SEC63: variants seen among roughly 807,000 people sequenced by gnomAD.
SEC63 encodes the protein translocation protein SEC63 homolog.
A neutral mutation model predicts 116.2 loss-of-function variants in SEC63; 56 were observed. The ratio of observed to expected loss-of-function variants is 0.48; its 90% CI spans 0.39 to 0.60. The LOEUF is 0.60. SEC63 is among the 20% of genes least tolerant of loss of function. The pLI, the probability that SEC63 is intolerant of heterozygous loss-of-function variation, is 0.00. For synonymous variants in SEC63, 273 were observed against 294.6 expected (o/e 0.93, Z 0.75); for missense variants, 668 against 900.0 (o/e 0.74, Z 3.30).
At chr6:107,938,921 CCT>C (rs1291988669) in intron 1 of SEC63, among the ~76,000 whole-genome samples, 2 of 152,052 alleles carry the variant, frequency 1.3e-5, no homozygotes, top group African/African-American at 4.8e-5. Context: ...TTTTTAATTC[CCT>C]GTGACTATAA....
rs1162436650 is a variant in SEC63, at chr6:107,893,819, C to T, written c.1500+19G>A. ...TTTCTTTCACTAGGAAAAATAGGTT[C>T]GGAAACCCAAGTTTTTACCCCATCT... On this transcript the variant is annotated intron_variant, in intron 15 of 20. Transcript: ENST00000369002. 3 of 1,613,778 alleles carry T rather than the reference C, an allele frequency of 1.9e-6. No homozygotes were observed. Among genetic ancestry groups the T allele is most frequent in the African/African-American group, 1.3e-5 (1 of 74,920 alleles).
chr6:107,893,034 G>C (rs1182035500), intron 16 of SEC63, among the ~76,000 whole-genome samples: 1 of 151,168 alleles, frequency 6.6e-6, no homozygotes, highest in Non-Finnish European at 1.5e-5. Flanking sequence ...ATTAGGTTAA[G>C]AACTACAAAC....
intron 16 of SEC63, among the ~76,000 whole-genome samples, chr6:107,887,153 C>A (rs1378489718): frequency 6.6e-6 from 1 of 151,826 alleles, no homozygotes; most frequent in East Asian, 1.9e-4. Context: ...GTTGGTGGGA[C>A]TGTAAACTAG....
At chr6:107,933,645 A>C (rs977902336) in intron 1 of SEC63, among the ~76,000 whole-genome samples, 49 of 152,144 alleles carry the variant, frequency 3.2e-4, no homozygotes, top group African/African-American at 1.2e-3. Flanking sequence ...ACTAAAGGAG[A>C]CTAAAGAAAC....
At chr6:107,923,995 T>C (rs1583759904) in intron 3 of SEC63, among the ~76,000 whole-genome samples, 1 of 152,240 alleles carries the variant, frequency 6.6e-6, no homozygotes, top group Non-Finnish European at 1.5e-5. Flanking sequence ...CTGGGCACGG[T>C]GGCTCACGCC....
At chr6:107,947,522 G>A (rs560277651) in intron 1 of SEC63, among the ~76,000 whole-genome samples, 2 of 151,638 alleles carry the variant, frequency 1.3e-5, no homozygotes, top group East Asian at 3.9e-4. Context: ...CAGTGGAGCA[G>A]TGATGGTGCC....
chr6:107,955,510 C>A (rs1282841014), intron 1 of SEC63, among the ~76,000 whole-genome samples: 3 of 152,234 alleles, frequency 2.0e-5, no homozygotes, highest in Non-Finnish European at 4.4e-5. Context: ...AGTTGAAGTC[C>A]ATGATTTACA....
At chr6:107,933,699 CCTGCCT>C (rs1291457146) in intron 1 of SEC63, among the ~76,000 whole-genome samples, 3 of 151,634 alleles carry the variant, frequency 2.0e-5, no homozygotes, top group South Asian at 2.1e-4. Flanking sequence ...TGCCCCTGCC[CCTGCCT>C]CTCCCTCTCC....
At chr6:107,896,851 T>C (rs1272003401) in intron 14 of SEC63, among the ~76,000 whole-genome samples, 1 of 151,818 alleles carries the variant, frequency 6.6e-6, no homozygotes, top group Non-Finnish European at 1.5e-5. Flanking sequence ...TGGTGGCGTG[T>C]GCCTGTAATC....
chr6:107,906,655 A>G, intron 9 of SEC63, 28 bp downstream of exon 9: 4 of 1,607,066 alleles, frequency 2.5e-6, no homozygotes, highest in Non-Finnish European at 3.4e-6. Flanking sequence ...TTAACTGCTC[A>G]TCGGGGGATT....
intron 4 of SEC63, among the ~76,000 whole-genome samples, chr6:107,917,752 T>C (rs112270508): frequency 0.011 from 1,687 of 152,308 alleles, 34 homozygotes; most frequent in African/African-American, 0.038. Flanking sequence ...AGCAAGGCCC[T>C]AACGAAGGCT....
rs528176477 is a variant in SEC63 at position 107,870,848 on chromosome 6, T to G, written c.*856A>C. 13 of 152,384 alleles carry G rather than the reference T, an allele frequency of 8.5e-5. No individual in the cohort carries two copies. The highest frequency in any genetic ancestry group is 3.3e-4 in the Admixed American group (5 of 15,300). 9.4% of individuals were successfully genotyped at this position (152,384 alleles called of 1,614,324 possible). A position where few individuals can be genotyped will look rare whatever the true frequency, so the allele number is the denominator to read the frequency against. Reference sequence around the variant, plus strand: ...CTTCCTTTGCATGTTATACTTACTTTCCTTAAAAAGCTCCTGATAGAGTCA... The same window carrying G: ...CTTCCTTTGCATGTTATACTTACTTGCCTTAAAAAGCTCCTGATAGAGTCA... On this transcript the variant is annotated 3_prime_UTR_variant, in exon 21 of 21. Transcript: ENST00000369002.
intron 1 of SEC63, among the ~76,000 whole-genome samples, chr6:107,952,774 A>AT (rs1353132804): frequency 6.6e-6 from 1 of 152,116 alleles, no homozygotes; most frequent in Non-Finnish European, 1.5e-5. Context: ...AACAAAAAAA[A>AT]AATTACTTAA....
In SEC63 at chr6:107,871,803, C is replaced by G; in HGVS notation, c.2184G>C (p.Gln728His). 1 of 1,613,774 alleles carries G rather than the reference C, an allele frequency of 6.2e-7. No individual in the cohort carries two copies. The highest frequency in any genetic ancestry group is 8.5e-7 in the Non-Finnish European group (1 of 1,179,736). Reference protein sequence around the residue: ...EAKPVPENHPQWDTAIEGDED... With the variant: ...EAKPVPENHPHWDTAIEGDED... ...CATCCCCCTCTATTGCTGTATCCCACTGTGGGTGATTTTCTGGCACAGGCT... is the reference window on the plus strand; with the variant it reads ...CATCCCCCTCTATTGCTGTATCCCAGTGTGGGTGATTTTCTGGCACAGGCT... Residue 728 changes from glutamine (Q) to histidine (H), a missense_variant, in exon 21 of 21, where the codon CAG (glutamine) becomes CAC (histidine). Around this residue, in one of 5 missense-constraint regions of SEC63, gnomAD observed 85 missense variants for 116.3 expected, o/e 0.73. Transcript: ENST00000369002.
At chr6:107,874,575 G>A (rs1160945423) in intron 19 of SEC63, among the ~76,000 whole-genome samples, 17 of 126,490 alleles carry the variant, frequency 1.3e-4, no homozygotes, top group African/African-American at 4.3e-4. Context: ...CAGCCTGGGC[G>A]ACACAGTGAG....
intron 16 of SEC63, among the ~76,000 whole-genome samples, chr6:107,889,110 G>A (rs1432964668): frequency 1.3e-5 from 2 of 152,214 alleles, no homozygotes; most frequent in Admixed American, 1.3e-4. Flanking sequence ...CTCATAAAAT[G>A]AGTTAGGGAG....
Position 107,911,319 on chromosome 6 carries a change from AC to A in SEC63, c.624+26del, listed in dbSNP as rs916758872. On this transcript the variant is annotated intron_variant, in intron 7 of 20. Transcript: ENST00000369002. ...CATGTCAATCTCCTTTCCAAAAAAA[AC>A]ATTAACTTAAAAAGCTAAAACTTAC... The A allele has an allele frequency of 4.6e-6, 7 of 1,518,772 alleles. No individual in the cohort carries two copies. In the East Asian group the frequency reaches 6.8e-5, roughly 15 times the overall value. The allele number at this position is 1,518,772 out of a possible 1,614,324, so 94.1% of individuals were successfully genotyped here.
chr6:107,930,941 G>A (rs1787792638), intron 1 of SEC63, among the ~76,000 whole-genome samples: 1 of 152,178 alleles, frequency 6.6e-6, no homozygotes, highest in African/African-American at 2.4e-5. Context: ...GTTGCAGTGA[G>A]CTGAGATCCC....
chr6:107,940,846 G>A (rs770164647), intron 1 of SEC63, among the ~76,000 whole-genome samples: 8 of 150,134 alleles, frequency 5.3e-5, no homozygotes, highest in Admixed American at 3.3e-4. Flanking sequence ...CCTGGGACGC[G>A]GGGAGGGAAG....
Sources: allele counts gnomAD v4.1 joint callset (sites outside exome capture counted in the v4.1 genomes callset), GRCh38; gene constraint gnomAD v4.1.1; regional missense constraint gnomAD v4.1.1; transcripts MANE v1.5; gene names NCBI Gene and HGNC (gene_info 2026-07-23, HGNC 2026-07-21).